RIC1: variants seen among roughly 807,000 people sequenced by gnomAD.
The protein encoded by RIC1 is guanine nucleotide exchange factor subunit RIC1.
A neutral mutation model predicts 169.0 loss-of-function variants in RIC1; 88 were observed. The ratio of observed to expected loss-of-function variants is 0.52; its 90% confidence interval spans 0.44 to 0.62. RIC1 has a LOEUF of 0.62. RIC1 is among the 20% of genes least tolerant of loss of function. The pLI is 0.00. For synonymous variants in RIC1, 790 were observed against 601.5 expected, an observed-to-expected ratio of 1.31 and a Z score of -4.59; for missense variants, 1,877 against 1,725.5, an observed-to-expected ratio of 1.09 and a Z score of -1.56.
chr9:5,675,244 AG>A (rs2130597762), intron 2 of RIC1, among the ~76,000 whole-genome samples: 1 of 152,310 alleles, frequency 6.6e-6, no homozygotes, highest in Non-Finnish European at 1.5e-5. Flanking sequence ...ATGGCAGAGC[AG>A]GAAATTGGAA....
At position 5,769,145 on chromosome 9, in the gene RIC1, G is replaced by A. The variant is rs1827016220; in HGVS notation, c.3313G>A (p.Asp1105Asn). 1 of 1,614,150 alleles carries A rather than the reference G, an allele frequency of 6.2e-7. No individual in the cohort carries two copies. The highest frequency in any genetic ancestry group is 8.5e-7 in the Non-Finnish European group (1 of 1,179,994). Residue 1105 changes from aspartate (D) to asparagine (N), a missense_variant, in exon 22 of 26, where the codon GAC becomes AAC. Asp to Asn is a conservative substitution (Grantham distance 23). Transcript: ENST00000414202. ...CKERTRAARV[D>N]NFVIALKRLH... ...GGAACGTACCCGAGCCGCCCGGGTA[G>A]ACAACTTTGTAATAGCCCTGAAGAG...
chr9:5,632,554 G>A (rs1817768033), intron 1 of RIC1, among the ~76,000 whole-genome samples: 1 of 152,040 alleles, frequency 6.6e-6, no homozygotes, highest in Non-Finnish European at 1.5e-5. Flanking sequence ...TTATATTGGA[G>A]CCCCAATATT....
chr9:5,676,247 C>A (rs1303208325), intron 2 of RIC1, among the ~76,000 whole-genome samples: 2 of 152,148 alleles, frequency 1.3e-5, no homozygotes, highest in African/African-American at 4.8e-5. Context: ...GTAACCAAAG[C>A]TTTATCAGAT....
intron 23 of RIC1, 128 bp downstream of exon 23, chr9:5,770,406 G>A (rs1003848314): frequency 1.2e-6 from 1 of 836,008 alleles, no homozygotes; most frequent in African/African-American, 1.7e-5. Flanking sequence ...ATCCACTGGA[G>A]AGGTAGAAAG....
intron 3 of RIC1, among the ~76,000 whole-genome samples, chr9:5,696,600 TA>T (rs146383630): frequency 4.0e-5 from 6 of 151,648 alleles, no homozygotes; most frequent in South Asian, 2.1e-4. Context: ...CCTTCTTACT[TA>T]AAAAAAAATC....
Position 5,711,806 on chromosome 9 carries a change from A to G in RIC1, c.333-2090A>G, listed in dbSNP as rs368523124. ...TGTTCTCATTGTTCAATTCCCACCT[A>G]TGAGTGAGAACATGCGGTGTTTGGT... On this transcript the variant is annotated intron_variant, in intron 3 of 25. Transcript: ENST00000414202. Among the ~76,000 whole-genome samples, 13 of 152,180 alleles carry G rather than the reference A, an allele frequency of 8.5e-5. No individual in the cohort carries two copies. The East Asian group carries it at 2.1e-3, about 25-fold the overall frequency.
At chr9:5,638,198 A>G (rs1490429852) in intron 1 of RIC1, among the ~76,000 whole-genome samples, 2 of 152,204 alleles carry the variant, frequency 1.3e-5, no homozygotes, top group Admixed American at 6.5e-5. Flanking sequence ...AATAAATACC[A>G]CTTGTTCATG....
intron 3 of RIC1, among the ~76,000 whole-genome samples, chr9:5,705,261 T>C (rs1822511675): frequency 6.6e-6 from 1 of 151,726 alleles, no homozygotes; most frequent in African/African-American, 2.4e-5. Context: ...CTATAGCTGT[T>C]TGGGAAGTAT....
chr9:5,653,680 C>G (rs1189076255), intron 1 of RIC1, among the ~76,000 whole-genome samples: 1 of 152,094 alleles, frequency 6.6e-6, no homozygotes, highest in Non-Finnish European at 1.5e-5. Flanking sequence ...TCACTGCAGC[C>G]TCCGTCTCCT....
chr9:5,702,513 G>GT (rs1563912527), intron 3 of RIC1, among the ~76,000 whole-genome samples: 1 of 150,752 alleles, frequency 6.6e-6, no homozygotes, highest in Non-Finnish European at 1.5e-5. Flanking sequence ...TTTTTGTTTT[G>GT]TTTTGTTTTT....
At chr9:5,750,242 C>A (rs1196605676) in intron 12 of RIC1, among the ~76,000 whole-genome samples, 2 of 151,958 alleles carry the variant, frequency 1.3e-5, no homozygotes, top group East Asian at 3.9e-4. Context: ...TCTAAGACTG[C>A]CATTTATTTT....
chr9:5,680,713 A>G (rs1484932243), intron 2 of RIC1, among the ~76,000 whole-genome samples: 1 of 129,990 alleles, frequency 7.7e-6, no homozygotes, highest in African/African-American at 2.9e-5. Flanking sequence ...GTCATTTTTT[A>G]TTGCGTCTGT....
intron 6 of RIC1, among the ~76,000 whole-genome samples, chr9:5,731,264 T>C (rs1012057144): frequency 3.7e-4 from 57 of 152,230 alleles, no homozygotes; most frequent in Non-Finnish European, 5.6e-4. Flanking sequence ...AAAATACTTA[T>C]TGTAGGACTG....
At position 5,772,588 on chromosome 9, in the gene RIC1, C is replaced by G; in HGVS notation, c.3641C>G (p.Ala1214Gly). ...GGTGATGAATGCAGTATTGGTTCAG[C>G]CACAGACTTGACTGAAAGTAGCTCC... ...NKGDECSIGSATDLTESSSMV... is the reference protein window; with the variant it reads ...NKGDECSIGSGTDLTESSSMV... The change falls in exon 24 of 26, where the codon GCC (alanine) becomes GGC (glycine). Residue 1214 changes from alanine to glycine, a missense_variant. Around this residue, in one of 3 missense-constraint regions of RIC1, gnomAD observed 681 missense variants for 582.0 expected, o/e 1.17. Transcript: ENST00000414202. 6.2e-7 allele frequency: 1 copy of G among 1,612,596 alleles called. No homozygotes were observed. Among genetic ancestry groups the G allele is most frequent in the South Asian group, 1.1e-5 (1 of 90,764 alleles).
chr9:5,653,665 T>C (rs964850647), intron 1 of RIC1, among the ~76,000 whole-genome samples: 2 of 152,150 alleles, frequency 1.3e-5, no homozygotes, highest in South Asian at 4.1e-4. Context: ...TGGCGCAGTC[T>C]TGGCTCACTG....
intron 2 of RIC1, among the ~76,000 whole-genome samples, chr9:5,665,400 T>C (rs1331383549): frequency 6.6e-6 from 1 of 152,186 alleles, no homozygotes; most frequent in East Asian, 1.9e-4. Flanking sequence ...TTTAGCTCAG[T>C]GAAGTTCGTT....
intron 3 of RIC1, among the ~76,000 whole-genome samples, chr9:5,699,942 A>C (rs545329370): frequency 7.3e-4 from 111 of 152,308 alleles, no homozygotes; most frequent in Non-Finnish European, 1.4e-3. Context: ...TTTAAGAACC[A>C]CAACAACTTT....
At chr9:5,676,661 C>T (rs1348700269) in intron 2 of RIC1, among the ~76,000 whole-genome samples, 1 of 152,152 alleles carries the variant, frequency 6.6e-6, no homozygotes, top group African/African-American at 2.4e-5. Context: ...ATCTCACTGG[C>T]ACTTTTTTAA....
rs555999706 is a variant in RIC1, at chr9:5,769,228, T to C, written c.3396T>C (p.Ser1132=). The C allele has an allele frequency of 3.7e-6, 6 of 1,614,138 alleles. No homozygotes were observed. In the African/African-American group the frequency reaches 8.0e-5, roughly 22 times the overall value. ...LPIIPASSIS[S]PFKNGKYRTV... Reference sequence around the variant, plus strand: ...TCATCCCAGCCTCTTCTATCAGTTCTCCTTTCAAAAATGGAAAATACCGAA... The same window carrying C: ...TCATCCCAGCCTCTTCTATCAGTTCCCCTTTCAAAAATGGAAAATACCGAA... Residue 1132 remains serine (S), a synonymous_variant, in exon 22 of 26, where the codon TCT becomes TCC. Transcript: ENST00000414202.
Sources: gnomAD v4.1 joint callset for allele counts (sites outside exome capture counted in the v4.1 genomes callset) on GRCh38, gnomAD v4.1.1 for gene constraint, gnomAD v4.1.1 regional missense constraint, MANE v1.5 for transcripts, NCBI Gene and HGNC (gene_info 2026-07-23, HGNC 2026-07-21) for gene names.